RAI14: variants seen among roughly 807,000 people sequenced by gnomAD.
RAI14 encodes retinoic acid induced 14.
A neutral mutation model predicts 115.4 loss-of-function variants in RAI14; 45 were observed. The ratio of observed to expected loss-of-function variants is 0.39; its 90% CI spans 0.31 to 0.50. The LOEUF is 0.50. Ranked by LOEUF, RAI14 falls within the 20% of genes least tolerant of loss-of-function variation. RAI14 has a pLI of 0.85. For missense variants in RAI14, 939 were observed against 1,131.2 expected, an observed-to-expected ratio of 0.83 and a Z score of 2.44; for synonymous variants, 371 against 415.4, an observed-to-expected ratio of 0.89 and a Z score of 1.30.
chr5:34,789,989 A>T (rs971260425), intron 3 of RAI14, among the ~76,000 whole-genome samples: 1 of 152,190 alleles, frequency 6.6e-6, no homozygotes, highest in African/African-American at 2.4e-5. Context: ...CTAAGCTTTG[A>T]TAAAGCTATA....
At chr5:34,684,274 A>G (rs1046772643) in intron 1 of RAI14, among the ~76,000 whole-genome samples, 1 of 152,180 alleles carries the variant, frequency 6.6e-6, no homozygotes, top group Non-Finnish European at 1.5e-5. Flanking sequence ...AGAAGATTCA[A>G]CCAAGGAAGT....
intron 6 of RAI14, among the ~76,000 whole-genome samples, chr5:34,808,181 G>C (rs1355913995): frequency 6.6e-6 from 1 of 152,170 alleles, no homozygotes; most frequent in Non-Finnish European, 1.5e-5. Flanking sequence ...TTTTTGATTT[G>C]AGGATTATTA....
At chr5:34,803,256 A>C (rs1049165387) in intron 4 of RAI14, among the ~76,000 whole-genome samples, 1 of 152,338 alleles carries the variant, frequency 6.6e-6, no homozygotes, top group Middle Eastern at 3.4e-3. Flanking sequence ...TCGCAAGAAT[A>C]ACAGTTCCAG....
At chr5:34,677,634 T>C (rs1341379401) in intron 1 of RAI14, among the ~76,000 whole-genome samples, 1 of 152,018 alleles carries the variant, frequency 6.6e-6, no homozygotes, top group Non-Finnish European at 1.5e-5. Flanking sequence ...TTTGTAGAGA[T>C]GGGGATCTCA....
rs372649078 is a variant in RAI14 at position 34,690,339 on chromosome 5, G to A, written c.36+3384G>A. On this transcript the variant is annotated intron_variant, in intron 2 of 17. Transcript: ENST00000265109. Reference sequence around the variant, plus strand: ...AGAAGAAAGGATTCTTTGTATTTCTGGGGGGTAGGAAGAAGATAATAGCAG... The same window carrying A: ...AGAAGAAAGGATTCTTTGTATTTCTAGGGGGTAGGAAGAAGATAATAGCAG... 2.2e-3 allele frequency among the ~76,000 whole-genome samples: 329 copies of A among 152,280 alleles called. 2 individuals are homozygous for A. Among genetic ancestry groups the A allele is most frequent in the Non-Finnish European group, 3.7e-3 (249 of 68,022 alleles).
intron 16 of RAI14, among the ~76,000 whole-genome samples, chr5:34,828,907 C>T (rs1204878487): frequency 6.6e-6 from 1 of 152,000 alleles, no homozygotes; most frequent in African/African-American, 2.4e-5. Flanking sequence ...ATCAATAATT[C>T]CCTTAAAAAT....
At chr5:34,762,928 C>CGTGTGT (rs747560798) in intron 3 of RAI14, among the ~76,000 whole-genome samples, 2 of 98,926 alleles carry the variant, frequency 2.0e-5, no homozygotes, top group African/African-American at 7.6e-5. Context: ...GGAGTGTGTG[C>CGTGTGT]ATGTGTGTGT....
chr5:34,757,875 A>G (rs1322016927), intron 3 of RAI14: 1 of 232,836 alleles, frequency 4.3e-6, no homozygotes, highest in Non-Finnish European at 8.3e-6. Context: ...TCTCTCTTCG[A>G]TAAGAAATAG....
At chr5:34,687,054 A>G in intron 2 of RAI14, 99 bp downstream of exon 2, 1 of 1,286,638 alleles carries the variant, frequency 7.8e-7, no homozygotes, top group Non-Finnish European at 1.1e-6. Flanking sequence ...GGGTTAATAA[A>G]CTACAGACAC....
intron 3 of RAI14, among the ~76,000 whole-genome samples, chr5:34,777,716 T>C (rs1044335007): frequency 6.6e-6 from 1 of 152,074 alleles, no homozygotes; most frequent in Non-Finnish European, 1.5e-5. Flanking sequence ...GAGGCAGAGA[T>C]GGCAGTGAGC....
intron 3 of RAI14, among the ~76,000 whole-genome samples, chr5:34,759,259 T>A (rs1195770701): frequency 1.3e-5 from 2 of 151,334 alleles, no homozygotes; most frequent in Non-Finnish European, 2.9e-5. Context: ...CAAGACTCTG[T>A]ATCAAAGGGA....
chr5:34,660,527 A>G (rs943785987), intron 1 of RAI14, among the ~76,000 whole-genome samples: 1 of 152,148 alleles, frequency 6.6e-6, no homozygotes, highest in Admixed American at 6.5e-5. Flanking sequence ...CTTGTGCAGA[A>G]ACCTTTTCTC....
chr5:34,822,480 A>G (rs1756961181), intron 14 of RAI14, among the ~76,000 whole-genome samples: 1 of 151,186 alleles, frequency 6.6e-6, no homozygotes, highest in Non-Finnish European at 1.5e-5. Context: ...AAGTGACACA[A>G]ATCGTCTGTC....
At chr5:34,712,990 A>G (rs575483473) in intron 2 of RAI14, among the ~76,000 whole-genome samples, 24 of 152,300 alleles carry the variant, frequency 1.6e-4, no homozygotes, top group Admixed American at 5.9e-4. Context: ...ACTAGATGCA[A>G]GGTTCCAGAG....
chr5:34,799,434 G>C (rs1753919826), intron 4 of RAI14, among the ~76,000 whole-genome samples: 1 of 150,100 alleles, frequency 6.7e-6, no homozygotes, highest in South Asian at 2.1e-4. Context: ...CTGGTACAAA[G>C]ATCTGTTACC....
At chr5:34,706,637 T>C (rs1740727850) in intron 2 of RAI14, among the ~76,000 whole-genome samples, 1 of 152,240 alleles carries the variant, frequency 6.6e-6, no homozygotes, top group South Asian at 2.1e-4. Flanking sequence ...TTATACTGTA[T>C]CACAGGAGAT....
In RAI14 at chr5:34,823,912, G is replaced by A. The variant is rs1212971700; in HGVS notation, c.2070G>A (p.Val690=). ...EHEKLMQLTN[V]SRAKAEDALS... ...AGAAACTGATGCAATTGACAAACGT[G>A]TCCAGGGCTAAAGCAGAAGATGCAC... The change falls in exon 15 of 18, where the codon GTG becomes GTA. Residue 690 remains valine (V), a synonymous_variant. Transcript: ENST00000265109. The surrounding 1 kb of genome is among the most constrained non-coding windows in gnomAD (Gnocchi z 4.5). 1 of 1,614,146 alleles carries A rather than the reference G, an allele frequency of 6.2e-7. No homozygotes were observed. Among genetic ancestry groups the A allele is most frequent in the Non-Finnish European group, 8.5e-7 (1 of 1,180,018 alleles).
intron 13 of RAI14, 35 bp downstream of exon 13, chr5:34,818,886 T>A: frequency 6.5e-7 from 1 of 1,535,810 alleles, no homozygotes; most frequent in South Asian, 1.2e-5. Context: ...TTTTTTTCCT[T>A]CAACCAAACT....
At position 34,759,411 on chromosome 5, in the gene RAI14, C is replaced by T. The variant is rs557579311; in HGVS notation, c.167+1813C>T. On this transcript the variant is annotated intron_variant, in intron 3 of 17. Coordinates refer to ENST00000265109, the MANE Select transcript of RAI14 (RefSeq NM_015577.3). ...AGCAGTGGTTGTGCAAGCAAAGCTT[C>T]CTCTGTATTTACAGCCACTCCCCAT... 3.3e-5 allele frequency among the ~76,000 whole-genome samples: 5 copies of T among 152,322 alleles called. No individual in the cohort carries two copies. In the South Asian group the frequency reaches 8.3e-4, roughly 25 times the overall value.
Sources: gnomAD v4.1 joint callset for allele counts (sites outside exome capture counted in the v4.1 genomes callset) on GRCh38, gnomAD v4.1.1 for gene constraint, Gnocchi (gnomAD v3.1) non-coding constraint, MANE v1.5 for transcripts, NCBI Gene and HGNC (gene_info 2026-07-23, HGNC 2026-07-21) for gene names.